Variants in CSMD2 observed in about 807,000 individuals in gnomAD.
CSMD2 encodes the protein CUB and Sushi multiple domains 2, also known as CUB and sushi domain-containing protein 2.
In CSMD2, 130 loss-of-function variants were observed where a neutral mutation model predicts 398.5. That is an observed-to-expected ratio of 0.33 (90% CI 0.28 to 0.38). The LOEUF (loss-of-function observed/expected upper bound fraction) is 0.38. Among genes scored for constraint, CSMD2 ranks in the 10% least tolerant of loss-of-function variants. CSMD2 has a pLI of 1.00. For synonymous variants in CSMD2, 1,828 were observed against 1,908.5 expected, an observed-to-expected ratio of 0.96 and a Z score of 1.10; for missense variants, 3,829 against 4,764.9, an observed-to-expected ratio of 0.80 and a Z score of 5.78.
intron 4 of CSMD2, among the ~76,000 whole-genome samples, chr1:33,923,154 G>A (rs1042858248): frequency 2.0e-5 from 3 of 152,084 alleles, no homozygotes; most frequent in African/African-American, 7.2e-5. Context: ...GACATGCATA[G>A]TAGGTGATAT....
intron 2 of CSMD2, among the ~76,000 whole-genome samples, chr1:34,041,189 A>T (rs1281011503): frequency 1.3e-5 from 2 of 152,196 alleles, no homozygotes; most frequent in African/African-American, 4.8e-5. Flanking sequence ...GAAGTGCTGG[A>T]CTGTACACAA....
chr1:33,534,671 T>G (rs529288706), intron 62 of CSMD2, among the ~76,000 whole-genome samples: 1 of 152,248 alleles, frequency 6.6e-6, no homozygotes, highest in African/African-American at 2.4e-5. Context: ...TATTACCTAC[T>G]GGAGCATGTG....
intron 3 of CSMD2, among the ~76,000 whole-genome samples, chr1:33,989,027 T>C (rs1183328210): frequency 1.6e-4 from 3 of 18,834 alleles, no homozygotes; most frequent in East Asian, 5.1e-3. Flanking sequence ...TATATATATA[T>C]ATATATATAT....
intron 37 of CSMD2, among the ~76,000 whole-genome samples, chr1:33,621,588 A>G (rs1187544370): frequency 6.6e-6 from 1 of 152,206 alleles, no homozygotes; most frequent in Non-Finnish European, 1.5e-5. Context: ...TACCCAGTGG[A>G]GAAAGGGGGT....
In CSMD2 at chr1:33,702,247, C is replaced by T. The variant is rs184859957; in HGVS notation, c.3577-1574G>A. ...TCTAATGTGTGGACCTTATTGAATC[C>T]TGATTCAAATAAACTATAAATTTAA... On this transcript the variant is annotated intron_variant, in intron 22 of 70. Transcript: ENST00000373381. 5.1e-4 allele frequency among the ~76,000 whole-genome samples: 77 copies of T among 152,208 alleles called. No homozygotes were observed. In the East Asian group the frequency reaches 0.014, roughly 27 times the overall value.
intron 25 of CSMD2, among the ~76,000 whole-genome samples, chr1:33,688,208 T>G (rs1250193141): frequency 1.3e-5 from 2 of 152,316 alleles, no homozygotes; most frequent in Admixed American, 1.3e-4. Context: ...TGGTGGTACA[T>G]ACAATAGAAT....
chr1:34,032,486 C>A, intron 3 of CSMD2, 108 bp downstream of exon 3: 1 of 671,798 alleles, frequency 1.5e-6, no homozygotes, highest in South Asian at 2.3e-5. Context: ...CAGGCGCAAG[C>A]TCTGGGTCTG....
At chr1:34,076,928 A>AAATAT (rs1232288848) in intron 2 of CSMD2, among the ~76,000 whole-genome samples, 9 of 53,586 alleles carry the variant, frequency 1.7e-4, no homozygotes, top group Admixed American at 9.4e-4. Context: ...AAAAAAAAAA[A>AAATAT]ATATATATAT....
chr1:33,591,606 A>G (rs1203677179), intron 44 of CSMD2, among the ~76,000 whole-genome samples: 1 of 152,082 alleles, frequency 6.6e-6, no homozygotes, highest in Admixed American at 6.6e-5. Context: ...AGTGAATTGT[A>G]TTCTACATGA....
chr1:33,607,813 C>G (rs1416790986), intron 41 of CSMD2, among the ~76,000 whole-genome samples: 1 of 152,192 alleles, frequency 6.6e-6, no homozygotes, highest in Admixed American at 6.5e-5. Context: ...TCCTGAAGGT[C>G]ACATGCTTGT....
chr1:34,044,631 G>C (rs1370964049), intron 2 of CSMD2, among the ~76,000 whole-genome samples: 1 of 152,154 alleles, frequency 6.6e-6, no homozygotes, highest in East Asian at 1.9e-4. Context: ...GTGCTGCCCC[G>C]AGATCTGGAG....
rs1168995758 is a variant in CSMD2 at position 33,516,952 on chromosome 1, C to A, written c.*54-382G>T. 2.4e-4 allele frequency among the ~76,000 whole-genome samples: 36 copies of A among 151,292 alleles called. No homozygotes were observed. In the East Asian group the frequency reaches 6.4e-3, roughly 27 times the overall value. The stretch of plus-strand genomic sequence containing the variant: ...TAATAATGGCTCTGTAATAAAGAAT[C>A]CAGGCTGGATTATATTCATTTTTGT... On this transcript the variant is annotated intron_variant, in intron 70 of 70. Transcript: ENST00000373381.
chr1:33,940,931 A>G (rs1374331987), intron 3 of CSMD2, among the ~76,000 whole-genome samples: 1 of 152,220 alleles, frequency 6.6e-6, no homozygotes, highest in Non-Finnish European at 1.5e-5. Flanking sequence ...CTGGACAGAC[A>G]TAGGAGATTG....
chr1:34,026,149 T>C (rs1359701017), intron 3 of CSMD2, among the ~76,000 whole-genome samples: 1 of 152,224 alleles, frequency 6.6e-6, no homozygotes, highest in Non-Finnish European at 1.5e-5. Context: ...GTATTATTCT[T>C]ATCCTGATTT....
In CSMD2 at chr1:33,624,685, C is replaced by T. The variant is rs1028684412; in HGVS notation, c.5501-42G>A. 4.4e-6 allele frequency: 7 copies of T among 1,589,654 alleles called. No individual in the cohort carries two copies. The highest frequency in any genetic ancestry group is 3.4e-5 in the Admixed American group (2 of 58,768). On this transcript the variant is annotated intron_variant, in intron 34 of 70. Coordinates refer to ENST00000373381, the MANE Select transcript of CSMD2 (RefSeq NM_001281956.2). This position sits in a 1 kb window ranked among gnomAD's most constrained non-coding sequence, Gnocchi z 4.7. ...TCGGGTCAGAGGCTTTGTGGCCTCC[C>T]GTGGGAGCCTTCCCAAGCTGACTCC...
intron 2 of CSMD2, among the ~76,000 whole-genome samples, chr1:34,074,725 G>GACAC (rs60737142): frequency 0.043 from 6,476 of 151,194 alleles, 362 homozygotes; most frequent in African/African-American, 0.13. Flanking sequence ...AAATGAAGAA[G>GACAC]ACACACACAC....
intron 37 of CSMD2, among the ~76,000 whole-genome samples, chr1:33,619,960 A>G (rs901108639): frequency 8.5e-5 from 13 of 152,210 alleles, no homozygotes; most frequent in Non-Finnish European, 1.9e-4. Context: ...TACTTATTGG[A>G]AAGACCTACT....
chr1:33,562,082 G>A (rs1325949723), intron 53 of CSMD2, among the ~76,000 whole-genome samples: 2 of 152,194 alleles, frequency 1.3e-5, no homozygotes, highest in South Asian at 2.1e-4. Context: ...CTCTACAGGA[G>A]GGGGTAGTTG....
chr1:33,919,094 C>T (rs7540485), intron 4 of CSMD2, among the ~76,000 whole-genome samples: 59,532 of 151,696 alleles, frequency 0.39, 12,438 homozygotes, highest in African/African-American at 0.53. Context: ...ATCACCAAAA[C>T]CACCACAGTC....
Sources: gnomAD v4.1 joint callset for allele counts (sites outside exome capture counted in the v4.1 genomes callset) on GRCh38, gnomAD v4.1.1 for gene constraint, Gnocchi (gnomAD v3.1) non-coding constraint, MANE v1.5 for transcripts, NCBI Gene and HGNC (gene_info 2026-07-23, HGNC 2026-07-21) for gene names.